RNF17: variants seen among roughly 807,000 people sequenced by gnomAD.
The protein encoded by RNF17 is ring finger protein 17.
A neutral mutation model predicts 200.5 loss-of-function variants in RNF17; 31 were observed. The ratio of observed to expected loss-of-function variants is 0.15; its 90% CI spans 0.12 to 0.21. The LOEUF (loss-of-function observed/expected upper bound fraction) is 0.21, where lower values mean the gene tolerates loss of function less well. Ranked by LOEUF, RNF17 falls within the 10% of genes least tolerant of loss-of-function variation. The pLI, the probability that RNF17 is intolerant of heterozygous loss-of-function variation, is 1.00. For synonymous variants in RNF17, 606 were observed against 637.8 expected, an observed-to-expected ratio of 0.95 and a Z score of 0.75; for missense variants, 1,628 against 1,905.1, an observed-to-expected ratio of 0.85 and a Z score of 2.71.
At chr13:24,858,546 A>C (rs1445755567) in intron 25 of RNF17, among the ~76,000 whole-genome samples, 8 of 143,438 alleles carry the variant, frequency 5.6e-5, no homozygotes, top group Non-Finnish European at 1.1e-4. Flanking sequence ...AACTGACTCC[A>C]GAGCTTACCT....
chr13:24,883,073 C>CT, downstream of RNF17: 1 of 1,047,784 alleles, frequency 9.5e-7, no homozygotes, highest in Non-Finnish European at 1.5e-6. Flanking sequence ...AGAATCTAAT[C>CT]TTTTCCCCAC....
At chr13:24,793,701 A>T (rs1884177981) in intron 10 of RNF17, among the ~76,000 whole-genome samples, 1 of 152,224 alleles carries the variant, frequency 6.6e-6, no homozygotes. Flanking sequence ...AATTAAGAAC[A>T]TCTCTTCAAT....
At chr13:24,852,301 G>T (rs139326087) in intron 24 of RNF17, among the ~76,000 whole-genome samples, 1 of 152,008 alleles carries the variant, frequency 6.6e-6, no homozygotes, top group Non-Finnish European at 1.5e-5. Flanking sequence ...ACCTCGCCTG[G>T]CTAATTTTTT....
At chr13:24,763,068 G>GT (rs1263030589), upstream of RNF17, among the ~76,000 whole-genome samples, 11 of 152,074 alleles carry the variant, frequency 7.2e-5, no homozygotes, top group Non-Finnish European at 1.3e-4. Flanking sequence ...GTTTACTCCT[G>GT]TAAGTACTAC....
rs560565367 is a variant in RNF17 at position 24,801,409 on chromosome 13, G to A, written c.1758+875G>A. 5.3e-5 allele frequency among the ~76,000 whole-genome samples: 8 copies of A among 152,262 alleles called. No homozygotes were observed. The East Asian group carries it at 7.7e-4, about 15-fold the overall frequency. ...TGTAATTCCAGCACTTTGGGAGGCC[G>A]AGATGGGAGGACCGCTTCGGCTCAG... On this transcript the variant is annotated intron_variant, in intron 13 of 35. Transcript: ENST00000255324.
Position 24,879,907 on chromosome 13 carries a change from A to G in RNF17, c.*181A>G, listed in dbSNP as rs919304341. On this transcript the variant is annotated 3_prime_UTR_variant, in exon 36 of 36. Coordinates refer to ENST00000255324, the MANE Select transcript of RNF17 (RefSeq NM_031277.3). The stretch of plus-strand genomic sequence containing the variant: ...TTGTGTGGGGAAAAAAAGTAAATAA[A>G]TGTTCGCTTCCAAACATTTGCTTGT... The G allele has an allele frequency of 6.6e-6, 1 of 152,156 alleles. No homozygotes were observed. Among genetic ancestry groups the G allele is most frequent in the African/African-American group, 2.4e-5 (1 of 41,436 alleles). The allele number at this position is 152,156 out of a possible 1,614,324, so 9.4% of individuals were successfully genotyped here.
intron 18 of RNF17, among the ~76,000 whole-genome samples, chr13:24,841,335 AC>A (rs1305872500): frequency 2.0e-5 from 3 of 152,180 alleles, no homozygotes; most frequent in Non-Finnish European, 4.4e-5. Flanking sequence ...AAAAGCTTAA[AC>A]CTTTGCAGAT....
intron 25 of RNF17, among the ~76,000 whole-genome samples, chr13:24,855,784 T>C (rs1332745382): frequency 4.6e-5 from 7 of 152,254 alleles, no homozygotes; most frequent in Middle Eastern, 3.2e-3. Context: ...AAGTTCTACC[T>C]ATCCTAGTGG....
chr13:24,794,100 A>G, intron 10 of RNF17: 1 of 412,730 alleles, frequency 2.4e-6, no homozygotes, highest in South Asian at 1.8e-5. Context: ...AAAAACTAGC[A>G]TGTCATTGTT....
At chr13:24,793,467 T>C in intron 10 of RNF17, 121 bp downstream of exon 10, 1 of 942,850 alleles carries the variant, frequency 1.1e-6, no homozygotes, top group South Asian at 1.8e-5. Context: ...TATTCCTCAT[T>C]ATGAGTTAAA....
At chr13:24,843,208 G>C (rs1053260673) in intron 19 of RNF17, among the ~76,000 whole-genome samples, 3 of 152,124 alleles carry the variant, frequency 2.0e-5, no homozygotes, top group Non-Finnish European at 4.4e-5. Flanking sequence ...AAAGAAATGA[G>C]AATAAACATT....
intron 5 of RNF17, among the ~76,000 whole-genome samples, chr13:24,780,542 A>T (rs1427653004): frequency 6.6e-6 from 1 of 152,000 alleles, no homozygotes; most frequent in Non-Finnish European, 1.5e-5. Context: ...CCATCCTGAC[A>T]CCCCCAAAAG....
At chr13:24,796,913 C>T (rs1884646320) in intron 11 of RNF17, among the ~76,000 whole-genome samples, 1 of 152,006 alleles carries the variant, frequency 6.6e-6, no homozygotes, top group African/African-American at 2.4e-5. Context: ...GCAATCAATA[C>T]CTATATATAA....
chr13:24,754,658 G>A, the RNF17 span, among the ~76,000 whole-genome samples: 1 of 152,144 alleles, frequency 6.6e-6, no homozygotes, highest in Admixed American at 6.5e-5. Context: ...GGGAGGCTGA[G>A]GCTGGGCAGA....
chr13:24,750,564 T>C, the RNF17 span: 28 of 152,412 alleles, frequency 1.8e-4, no homozygotes, highest in Non-Finnish European at 3.2e-4. Flanking sequence ...TTATACAGTA[T>C]GGTAAACATC....
intron 22 of RNF17, among the ~76,000 whole-genome samples, chr13:24,846,590 GT>G (rs1891280040): frequency 6.6e-6 from 1 of 152,164 alleles, no homozygotes; most frequent in African/African-American, 2.4e-5. Flanking sequence ...GTAGCTTGTA[GT>G]TCTAGACCAG....
intron 15 of RNF17, among the ~76,000 whole-genome samples, chr13:24,805,859 C>G (rs534745759): frequency 6.6e-6 from 1 of 151,830 alleles, no homozygotes; most frequent in African/African-American, 2.4e-5. Context: ...CTCATGAACA[C>G]TTGGTTTTTT....
intron 24 of RNF17, among the ~76,000 whole-genome samples, chr13:24,851,864 T>C (rs1891929664): frequency 6.6e-6 from 1 of 152,232 alleles, no homozygotes; most frequent in African/African-American, 2.4e-5. Context: ...AACAATGTAG[T>C]GGATACCAGA....
At chr13:24,875,221 A>G (rs1894727949) in intron 33 of RNF17, among the ~76,000 whole-genome samples, 1 of 152,218 alleles carries the variant, frequency 6.6e-6, no homozygotes, top group South Asian at 2.1e-4. Context: ...TTCTGCTCAA[A>G]TTGAAACAAC....
Sources: allele counts gnomAD v4.1 joint callset (sites outside exome capture counted in the v4.1 genomes callset), GRCh38; gene constraint gnomAD v4.1.1; transcripts MANE v1.5; gene names NCBI Gene and HGNC (gene_info 2026-07-23, HGNC 2026-07-21).